Variants in TEK observed in about 807,000 individuals in gnomAD.
TEK encodes the protein TEK receptor tyrosine kinase.
In TEK, 43 loss-of-function variants were observed where a neutral mutation model predicts 131.8. That is an observed-to-expected ratio of 0.33 (90% CI 0.26 to 0.42). The LOEUF (loss-of-function observed/expected upper bound fraction) is 0.42. Among genes scored for constraint, TEK ranks in the 10% least tolerant of loss-of-function variants. The pLI, the probability that TEK is intolerant of heterozygous loss-of-function variation, is 1.00. For missense variants in TEK, 1,162 were observed against 1,384.4 expected (o/e 0.84, Z 2.55); for synonymous variants, 580 against 491.6 (o/e 1.18, Z -2.38).
At chr9:27,116,295 G>GTT (rs545601527) in intron 1 of TEK, among the ~76,000 whole-genome samples, 18 of 148,190 alleles carry the variant, frequency 1.2e-4, no homozygotes, top group African/African-American at 3.9e-4. Context: ...TGTAAAGGAA[G>GTT]TTTTTTTTTT....
intron 1 of TEK, among the ~76,000 whole-genome samples, chr9:27,151,187 G>C (rs1489203063): frequency 6.6e-6 from 1 of 152,148 alleles, no homozygotes; most frequent in Non-Finnish European, 1.5e-5. Flanking sequence ...AGAAGTTATT[G>C]CTCAGAGACT....
In TEK at chr9:27,213,579, G is replaced by C. The variant is rs766416429; in HGVS notation, c.2973G>C (p.Val991=). The C allele has an allele frequency of 1.2e-4, 186 of 1,613,564 alleles. No homozygotes were observed. The highest frequency in any genetic ancestry group is 1.6e-4 in the Non-Finnish European group (184 of 1,179,654). The change falls in exon 18 of 23, where the codon GTG becomes GTC. Residue 991 remains valine (V), a synonymous_variant. Transcript: ENST00000380036. The part of the protein sequence containing the change: ...ADFGLSRGQE[V]YVKKTMGRLP... ...TTGGATTGTCCCGAGGTCAAGAGGT[G>C]TATGTGAAAAAGACAATGGTAAGTG...
At chr9:27,164,092 A>G (rs915906011) in intron 2 of TEK, among the ~76,000 whole-genome samples, 1 of 152,148 alleles carries the variant, frequency 6.6e-6, no homozygotes, top group South Asian at 2.1e-4. Flanking sequence ...TACATAATCT[A>G]TGAAAGCATC....
chr9:27,138,195 GCAAAAGAACAAAGATTC>G (rs1002515566), intron 1 of TEK, among the ~76,000 whole-genome samples: 13 of 152,244 alleles, frequency 8.5e-5, no homozygotes, highest in African/African-American at 3.1e-4. Context: ...ATTGTGAAGA[GCAAAAGAACAAAGATTC>G]CACAGTGTGG....
At chr9:27,150,244 C>T (rs111601640) in intron 1 of TEK, among the ~76,000 whole-genome samples, 1 of 152,198 alleles carries the variant, frequency 6.6e-6, no homozygotes, top group Non-Finnish European at 1.5e-5. Flanking sequence ...TGAGGGCTGG[C>T]TCTACCACTA....
At chr9:27,170,077 C>T (rs1243343897) in intron 4 of TEK, among the ~76,000 whole-genome samples, 2 of 152,154 alleles carry the variant, frequency 1.3e-5, no homozygotes, top group African/African-American at 4.8e-5. Flanking sequence ...CATCCTTCTT[C>T]ACATGGCGGC....
intron 11 of TEK, among the ~76,000 whole-genome samples, chr9:27,192,876 G>A (rs867030960): frequency 5.3e-5 from 8 of 152,314 alleles, no homozygotes; most frequent in Middle Eastern, 6.8e-3. Flanking sequence ...TGTAGGGACA[G>A]AGAAGGAAGC....
At chr9:27,184,640 C>T (rs1027081735) in intron 8 of TEK, among the ~76,000 whole-genome samples, 3 of 152,098 alleles carry the variant, frequency 2.0e-5, no homozygotes, top group African/African-American at 7.2e-5. Context: ...GTAAGGTTGG[C>T]CATAACTATA....
At chr9:27,158,703 G>A (rs538953755) in intron 2 of TEK, among the ~76,000 whole-genome samples, 63 of 147,310 alleles carry the variant, frequency 4.3e-4, no homozygotes, top group Non-Finnish European at 7.4e-4. Flanking sequence ...CTCTGTCACC[G>A]GACTAGAGTG....
chr9:27,176,351 A>C (rs1159219724), intron 6 of TEK, among the ~76,000 whole-genome samples: 1 of 152,224 alleles, frequency 6.6e-6, no homozygotes. Context: ...GTCATTCAGA[A>C]CACTTTGCCA....
At chr9:27,191,806 T>C (rs908021795) in intron 10 of TEK, 2 of 384,084 alleles carry the variant, frequency 5.2e-6, no homozygotes, top group African/African-American at 4.2e-5. Context: ...TAATAATCCA[T>C]CACCTTTGTC....
intron 21 of TEK, among the ~76,000 whole-genome samples, chr9:27,224,052 T>C (rs7467821): frequency 0.68 from 103,819 of 152,080 alleles, 36,252 homozygotes; most frequent in Non-Finnish European, 0.76. Context: ...CCTCCTATGT[T>C]TAAACCAGGA....
At chr9:27,215,064 G>A (rs994078796) in intron 18 of TEK, among the ~76,000 whole-genome samples, 2 of 152,102 alleles carry the variant, frequency 1.3e-5, no homozygotes, top group African/African-American at 4.8e-5. Flanking sequence ...GGGGATGTGG[G>A]TACCCTGGGT....
intron 18 of TEK, among the ~76,000 whole-genome samples, chr9:27,214,581 T>C (rs117132173): frequency 0.037 from 5,643 of 152,280 alleles, 149 homozygotes; most frequent in East Asian, 0.085. Flanking sequence ...ACTGAGAAGA[T>C]AAAGTAAAAC....
intron 1 of TEK, among the ~76,000 whole-genome samples, chr9:27,142,155 G>A (rs552726308): frequency 6.6e-6 from 1 of 152,292 alleles, no homozygotes; most frequent in East Asian, 1.9e-4. Context: ...AGGAATGTGA[G>A]GGACAATACA....
chr9:27,180,161 A>G lies in TEK; in HGVS notation c.902-79A>G, dbSNP rs528575879. On this transcript the variant is annotated intron_variant, in intron 6 of 22. Transcript: ENST00000380036. ...GCAAAGTTGATGGCTTAGAGAGAAA[A>G]ATAAAACTAAACACCTGCAGTCTTA... The G allele has an allele frequency of 2.1e-5, 34 of 1,598,910 alleles. 1 individual carries two copies. The South Asian group carries it at 3.2e-4, about 15-fold the overall frequency.
At chr9:27,155,107 G>C (rs1014381162) in intron 1 of TEK, among the ~76,000 whole-genome samples, 2 of 152,192 alleles carry the variant, frequency 1.3e-5, no homozygotes, top group Non-Finnish European at 2.9e-5. Flanking sequence ...AAGAATTACA[G>C]TGTTTCCTTC....
chr9:27,207,947 T>A (rs1825456797), intron 15 of TEK, among the ~76,000 whole-genome samples: 1 of 152,184 alleles, frequency 6.6e-6, no homozygotes, highest in Non-Finnish European at 1.5e-5. Flanking sequence ...GCTACTTTAG[T>A]CACAGGGAGT....
chr9:27,206,271 AC>A (rs906244703), intron 14 of TEK, among the ~76,000 whole-genome samples: 33 of 152,106 alleles, frequency 2.2e-4, no homozygotes, highest in Admixed American at 2.0e-3. Context: ...ACTGTAGGGA[AC>A]TCACGTACAA....
Sources: allele counts gnomAD v4.1 joint callset (sites outside exome capture counted in the v4.1 genomes callset), GRCh38; gene constraint gnomAD v4.1.1; transcripts MANE v1.5; gene names NCBI Gene and HGNC (gene_info 2026-07-23, HGNC 2026-07-21).